Variants in DMD observed in about 807,000 individuals in gnomAD.
DMD encodes mutant dystrophin.
Under a neutral mutation model 330.1 loss-of-function variants are expected in DMD, and 63 were observed. That is an observed-to-expected ratio of 0.19 (90% CI 0.16 to 0.24). The LOEUF (loss-of-function observed/expected upper bound fraction) is 0.24. Among genes scored for constraint, DMD ranks in the 10% least tolerant of loss-of-function variants. The pLI, the probability that DMD is intolerant of heterozygous loss-of-function variation, is 1.00. For missense variants in DMD, 3,344 were observed against 2,684.1 expected (o/e 1.25, Z -5.43); for synonymous variants, 1,223 against 959.8 (o/e 1.27, Z -5.07).
At chrX:32,214,653 T>C (rs1305301502) in intron 44 of DMD, among the ~76,000 whole-genome samples, 1 of 111,543 alleles carries the variant, frequency 9.0e-6, no homozygotes, top group African/African-American at 3.3e-5. Context: ...GCCTCAGTAG[T>C]GGGGAAAAAG....
chrX:31,594,417 T>C (rs1244980522), intron 55 of DMD, among the ~76,000 whole-genome samples: 4 of 111,504 alleles, frequency 3.6e-5, no homozygotes, highest in Middle Eastern at 4.2e-3. Context: ...TTAATTGATA[T>C]GTACCTAAGT....
chrX:32,626,435 C>A (rs964216741), intron 11 of DMD, among the ~76,000 whole-genome samples: 9 of 105,108 alleles, frequency 8.6e-5, no homozygotes, highest in Non-Finnish European at 1.9e-5. Flanking sequence ...CACCACTTCA[C>A]TCCAGCCTGG....
chrX:32,589,992 T>C (rs968440282), intron 13 of DMD, among the ~76,000 whole-genome samples: 3 of 111,852 alleles, frequency 2.7e-5, no homozygotes, highest in Non-Finnish European at 3.8e-5. Flanking sequence ...ATAAACAGTA[T>C]CACGCAGAGG....
chrX:33,124,500 A>AAAAAAAC lies in DMD; in HGVS notation c.31+86781_31+86782insGTTTTTT, dbSNP rs1569555863. 4.3e-3 allele frequency among the ~76,000 whole-genome samples: 449 copies of AAAAAAAC among 104,391 alleles called. 5 individuals carry two copies. Among genetic ancestry groups the AAAAAAAC allele is most frequent in the African/African-American group, 0.016 (433 of 27,183 alleles). The allele number at this position is 104,391 out of a possible 115,157, so 90.7% of individuals were successfully genotyped here. On this transcript the variant is annotated intron_variant, in intron 1 of 78. Transcript: ENST00000357033. The stretch of plus-strand genomic sequence containing the variant: ...TGAAAAAAAAAAAAAAAAAAAAAAA[A>AAAAAAAC]AAAAAAAAAACCGAAAGAAATAAAA...
chrX:31,677,306 T>C (rs2082136909), intron 53 of DMD, among the ~76,000 whole-genome samples: 1 of 111,639 alleles, frequency 9.0e-6, no homozygotes, highest in Non-Finnish European at 1.9e-5. Context: ...GTTAAATTTA[T>C]TTCTCATTTG....
intron 44 of DMD, among the ~76,000 whole-genome samples, chrX:31,992,958 T>G (rs764449549): frequency 8.9e-6 from 1 of 111,855 alleles, no homozygotes; most frequent in African/African-American, 3.2e-5. Flanking sequence ...TCAAGTTCAA[T>G]TCAATCACAA....
intron 44 of DMD, among the ~76,000 whole-genome samples, chrX:32,087,918 G>A (rs1354265910): frequency 3.6e-5 from 4 of 112,005 alleles, no homozygotes; most frequent in Non-Finnish European, 7.5e-5. Context: ...GGCACTGCTG[G>A]GAACACACAG....
At chrX:31,152,004 G>A (rs2037472299) in intron 74 of DMD, among the ~76,000 whole-genome samples, 1 of 111,435 alleles carries the variant, frequency 9.0e-6, no homozygotes, top group Non-Finnish European at 1.9e-5. Context: ...TAATTCCCTT[G>A]CCTTCTCTGA....
At chrX:32,067,933 C>T (rs777130916) in intron 44 of DMD, among the ~76,000 whole-genome samples, 1 of 112,024 alleles carries the variant, frequency 8.9e-6, no homozygotes, top group South Asian at 3.7e-4. Flanking sequence ...AATGTCCAAA[C>T]TGCTTTCTAC....
chrX:31,366,507 A>AT (rs1463007791), intron 60 of DMD, among the ~76,000 whole-genome samples: 20 of 85,882 alleles, frequency 2.3e-4, no homozygotes, highest in African/African-American at 7.8e-4. Context: ...CATAAAAAAA[A>AT]AAATAAATAA....
At chrX:31,144,225 G>A (rs1308908672) in intron 76 of DMD, among the ~76,000 whole-genome samples, 1 of 111,515 alleles carries the variant, frequency 9.0e-6, no homozygotes, top group African/African-American at 3.3e-5. Context: ...CCTCAGAAAT[G>A]TTCATCTCCT....
At chrX:32,681,745 TC>T (rs1190057448) in intron 9 of DMD, among the ~76,000 whole-genome samples, 1 of 112,035 alleles carries the variant, frequency 8.9e-6, no homozygotes, top group Non-Finnish European at 1.9e-5. Flanking sequence ...GAGTTTTTAC[TC>T]ATTAGGGAAA....
intron 15 of DMD, among the ~76,000 whole-genome samples, chrX:32,572,389 G>T (rs5928018): frequency 0.061 from 6,804 of 110,925 alleles, 198 homozygotes; most frequent in African/African-American, 0.087. Context: ...CAACCATTTT[G>T]TTTTATAAAA....
intron 44 of DMD, among the ~76,000 whole-genome samples, chrX:32,171,998 T>A (rs1051034520): frequency 1.8e-5 from 2 of 111,807 alleles, no homozygotes; most frequent in Non-Finnish European, 3.8e-5. Context: ...ACTTAATAAA[T>A]CTAATATTTT....
chrX:32,327,193 CA>C (rs1557280037), intron 41 of DMD, among the ~76,000 whole-genome samples: 1 of 36,310 alleles, frequency 2.8e-5, no homozygotes, highest in Non-Finnish European at 4.6e-5. Flanking sequence ...CTACTAGGGG[CA>C]CAAAAAAAAA....
intron 2 of DMD, among the ~76,000 whole-genome samples, chrX:32,954,664 TA>T (rs2091462584): frequency 9.0e-6 from 1 of 111,083 alleles, no homozygotes; most frequent in Non-Finnish European, 1.9e-5. Flanking sequence ...AACCATCAGT[TA>T]TTTTTTTTTA....
intron 2 of DMD, among the ~76,000 whole-genome samples, chrX:32,977,111 G>A: frequency 9.0e-6 from 1 of 110,628 alleles, no homozygotes; most frequent in African/African-American, 3.3e-5. Context: ...GGCCAACGTG[G>A]CAAAACCCCA....
chrX:31,726,337 AT>A (rs1046441111), intron 52 of DMD, among the ~76,000 whole-genome samples: 1 of 112,333 alleles, frequency 8.9e-6, no homozygotes, highest in African/African-American at 3.2e-5. Context: ...TGCAATAACT[AT>A]GTATAGATTT....
intron 26 of DMD, among the ~76,000 whole-genome samples, chrX:32,453,754 T>C (rs953694314): frequency 9.0e-6 from 1 of 111,008 alleles, no homozygotes; most frequent in Admixed American, 9.6e-5. Context: ...ATTTATACAG[T>C]TGGCATGGGG....
Sources: gnomAD v4.1 joint callset for allele counts (sites outside exome capture counted in the v4.1 genomes callset) on GRCh38, gnomAD v4.1.1 for gene constraint, MANE v1.5 for transcripts, NCBI Gene and HGNC (gene_info 2026-07-23, HGNC 2026-07-21) for gene names.